The following PCDHA6 variants were observed in gnomAD, a reference collection of about 807,000 sequenced individuals.
The protein encoded by PCDHA6 is protocadherin alpha-6.
Under a neutral mutation model 60.3 loss-of-function variants are expected in PCDHA6, and 55 were observed. That is an observed-to-expected ratio of 0.91 (90% CI 0.73 to 1.14). PCDHA6 has a LOEUF of 1.14. Ranked by LOEUF, PCDHA6 falls within the 50% of genes most tolerant of loss-of-function variation. The pLI is 0.00. For missense variants in PCDHA6, 1,327 were observed against 1,256.5 expected, an observed-to-expected ratio of 1.06 and a Z score of -0.85; for synonymous variants, 652 against 557.9, an observed-to-expected ratio of 1.17 and a Z score of -2.38.
intron 1 of PCDHA6, chr5:140,848,457 G>A (rs1030799361): frequency 6.5e-7 from 1 of 1,527,596 alleles, no homozygotes; most frequent in African/African-American, 1.4e-5. Context: ...CTAATTTGGA[G>A]GCAATTTTCA....
intron 1 of PCDHA6, among the ~76,000 whole-genome samples, chr5:140,910,377 C>T (rs1053075333): frequency 6.6e-6 from 1 of 152,244 alleles, no homozygotes; most frequent in East Asian, 1.9e-4. Flanking sequence ...GCCCACCTTG[C>T]CTTTGACAGT....
intron 1 of PCDHA6, chr5:140,968,375 T>G: frequency 6.2e-7 from 1 of 1,614,098 alleles, no homozygotes; most frequent in Non-Finnish European, 8.5e-7. Context: ...TGTCAACTCC[T>G]TTGACTATGA....
At chr5:140,986,694 C>T (rs556228464) in intron 3 of PCDHA6, among the ~76,000 whole-genome samples, 1 of 152,266 alleles carries the variant, frequency 6.6e-6, no homozygotes, top group South Asian at 2.1e-4. Context: ...TTTCAAAACA[C>T]ACAGCACTGC....
intron 1 of PCDHA6, among the ~76,000 whole-genome samples, chr5:140,846,373 C>CT (rs2150388509): frequency 0.025 from 1,401 of 55,028 alleles, 84 homozygotes; most frequent in East Asian, 0.045. Context: ...TTCTTTCTTT[C>CT]TTTTTTTTTT....
intron 1 of PCDHA6, chr5:140,876,837 C>T (rs782753877): frequency 1.9e-6 from 3 of 1,614,148 alleles, no homozygotes; most frequent in Admixed American, 3.3e-5. Context: ...CGCCTGCGTT[C>T]GCGCAGCCCG....
chr5:140,856,497 G>T (rs782069130), intron 1 of PCDHA6: 1 of 1,598,346 alleles, frequency 6.3e-7, no homozygotes. Flanking sequence ...CTTGACTCTC[G>T]ATTTCCACTA....
intron 1 of PCDHA6, among the ~76,000 whole-genome samples, chr5:140,937,158 C>T (rs969335051): frequency 2.6e-5 from 4 of 151,874 alleles, no homozygotes; most frequent in Non-Finnish European, 4.4e-5. Context: ...CTGCCTCAGC[C>T]TCCCGAGTAG....
intron 1 of PCDHA6, among the ~76,000 whole-genome samples, chr5:140,914,897 TTG>T (rs1415652208): frequency 6.6e-6 from 1 of 151,972 alleles, no homozygotes; most frequent in East Asian, 1.9e-4. Context: ...GCTTTTAACT[TTG>T]TGTTGTTTCT....
At chr5:140,967,560 A>C (rs2096156699) in intron 1 of PCDHA6, 2 of 1,613,966 alleles carry the variant, frequency 1.2e-6, no homozygotes, top group Non-Finnish European at 1.7e-6. Context: ...TATCGCGTCC[A>C]GCTACGGGAG....
intron 1 of PCDHA6, chr5:140,968,932 A>C: frequency 6.2e-7 from 1 of 1,614,164 alleles, no homozygotes; most frequent in Non-Finnish European, 8.5e-7. Context: ...TTCTTTTGAC[A>C]ATCATCATTT....
At chr5:140,833,422 G>C (rs2150208269) in intron 1 of PCDHA6, among the ~76,000 whole-genome samples, 10 of 152,298 alleles carry the variant, frequency 6.6e-5, no homozygotes, top group African/African-American at 2.2e-4. Flanking sequence ...CTGTATGTGA[G>C]ATGGCTGAGC....
At chr5:140,877,593 G>A in intron 1 of PCDHA6, 2 of 1,613,854 alleles carry the variant, frequency 1.2e-6, no homozygotes, top group Non-Finnish European at 1.7e-6. Context: ...TCTGTGCGGT[G>A]TCCAGCCTGC....
At chr5:140,846,097 A>G (rs1554141144) in intron 1 of PCDHA6, among the ~76,000 whole-genome samples, 1 of 149,760 alleles carries the variant, frequency 6.7e-6, no homozygotes, top group African/African-American at 2.4e-5. Context: ...CCTTCCAAGG[A>G]ATGTGTAGAC....
At chr5:140,981,207 T>C (rs1163326728) in intron 2 of PCDHA6, among the ~76,000 whole-genome samples, 1 of 152,230 alleles carries the variant, frequency 6.6e-6, no homozygotes, top group Non-Finnish European at 1.5e-5. Context: ...TTGCCTCATA[T>C]AACCCCTTTA....
At chr5:140,928,885 C>T in intron 1 of PCDHA6, 1 of 1,614,194 alleles carries the variant, frequency 6.2e-7, no homozygotes, top group Non-Finnish European at 8.5e-7. Context: ...TCAGTTACTT[C>T]CAGACTTTGA....
At chr5:140,946,720 A>C (rs1460843213) in intron 1 of PCDHA6, among the ~76,000 whole-genome samples, 4 of 150,970 alleles carry the variant, frequency 2.6e-5, no homozygotes, top group African/African-American at 9.8e-5. Flanking sequence ...ATGTTTAGTT[A>C]AATAAGCCAG....
In PCDHA6 at chr5:140,829,590, G is replaced by A; in HGVS notation, c.1499G>A (p.Gly500Asp). Reference protein sequence around the residue: ...VSYSLVERRVGERALSSYISV... With the variant: ...VSYSLVERRVDERALSSYISV... ...TACTCGCTGGTGGAGCGGCGGGTGG[G>A]CGAGCGCGCGTTGTCGAGCTACATT... Residue 500 changes from glycine (G) to aspartate (D), a missense_variant, in exon 1 of 4, where the codon GGC becomes GAC. Coordinates refer to ENST00000529310, the MANE Select transcript of PCDHA6 (RefSeq NM_018909.4). The A allele has an allele frequency of 6.2e-7, 1 of 1,612,072 alleles. No individual in the cohort carries two copies. Among genetic ancestry groups the A allele is most frequent in the Non-Finnish European group, 8.5e-7 (1 of 1,179,792 alleles).
At chr5:140,850,136 C>A in intron 1 of PCDHA6, 1 of 1,595,682 alleles carries the variant, frequency 6.3e-7, no homozygotes, top group Non-Finnish European at 8.6e-7. Context: ...CTCTGGGCAG[C>A]AACGTGACGC....
rs1777055567 is a variant in PCDHA6, at chr5:140,841,163, T to C, written c.2394+10678T>C. 2 of 914,834 alleles carry C rather than the reference T, an allele frequency of 2.2e-6. 1 individual carries two copies. The highest frequency in any genetic ancestry group is 3.2e-6 in the Non-Finnish European group (2 of 616,240). 56.7% of individuals were successfully genotyped at this position (914,834 alleles called of 1,614,324 possible). ...CATGATGTCGCTGTCTACCAAGAAG[T>C]TCTGGTTGGTCAATGTTCAAAGTCT... On this transcript the variant is annotated intron_variant, in intron 1 of 3. Coordinates refer to ENST00000529310, the MANE Select transcript of PCDHA6 (RefSeq NM_018909.4).
Sources: allele counts gnomAD v4.1 joint callset (sites outside exome capture counted in the v4.1 genomes callset), GRCh38; gene constraint gnomAD v4.1.1; transcripts MANE v1.5; gene names NCBI Gene and HGNC (gene_info 2026-07-23, HGNC 2026-07-21).